The following SLC44A5 variants were observed in gnomAD, a reference collection of about 807,000 sequenced individuals.
The protein encoded by SLC44A5 is solute carrier family 44 member 5.
Under a neutral mutation model 101.8 loss-of-function variants are expected in SLC44A5, and 57 were observed. That is an observed-to-expected ratio of 0.56 (90% CI 0.45 to 0.70). The LOEUF (loss-of-function observed/expected upper bound fraction) is 0.70, where lower values mean the gene tolerates loss of function less well. Ranked by LOEUF, SLC44A5 falls within the 30% of genes least tolerant of loss-of-function variation. The pLI is 0.00. For missense variants in SLC44A5, 737 were observed against 853.1 expected, an observed-to-expected ratio of 0.86 and a Z score of 1.70; for synonymous variants, 281 against 290.9, an observed-to-expected ratio of 0.97 and a Z score of 0.35.
chr1:75,410,622 G>A (rs892130413), intron 2 of SLC44A5, among the ~76,000 whole-genome samples: 1 of 152,060 alleles, frequency 6.6e-6, no homozygotes, highest in East Asian at 1.9e-4. Context: ...GTGTGGCAGG[G>A]GAGCTGAGAA....
At chr1:75,524,678 CATT>C (rs1327114926) in intron 2 of SLC44A5, among the ~76,000 whole-genome samples, 10 of 152,058 alleles carry the variant, frequency 6.6e-5, no homozygotes, top group African/African-American at 7.2e-5. Context: ...AAGTATGTCA[CATT>C]GTTGTTATGG....
the SLC44A5 span, among the ~76,000 whole-genome samples, chr1:75,708,064 A>G: frequency 9.2e-5 from 14 of 152,110 alleles, no homozygotes; most frequent in Non-Finnish European, 1.6e-4. Context: ...TGACAAGGCT[A>G]GTGGGAATGT....
the SLC44A5 span, among the ~76,000 whole-genome samples, chr1:75,621,580 C>T: frequency 1.3e-5 from 2 of 152,046 alleles, no homozygotes; most frequent in East Asian, 1.9e-4. Context: ...AAATATTTTA[C>T]ATTGAATACC....
the SLC44A5 span, among the ~76,000 whole-genome samples, chr1:75,713,096 T>A: frequency 6.6e-6 from 1 of 152,174 alleles, no homozygotes; most frequent in Non-Finnish European, 1.5e-5. Flanking sequence ...ATCTTCCAGT[T>A]CCATTAACTT....
the SLC44A5 span, among the ~76,000 whole-genome samples, chr1:75,723,001 T>C: frequency 3.9e-5 from 6 of 152,332 alleles, no homozygotes; most frequent in East Asian, 1.2e-3. Context: ...TTTTCTTCCT[T>C]ATCTGGAGGT....
At chr1:75,546,098 A>G (rs1269167760) in intron 1 of SLC44A5, among the ~76,000 whole-genome samples, 2 of 152,052 alleles carry the variant, frequency 1.3e-5, no homozygotes, top group Non-Finnish European at 2.9e-5. Context: ...CTGGGGTTAC[A>G]ACTCCTAGCC....
intron 4 of SLC44A5, among the ~76,000 whole-genome samples, chr1:75,322,077 G>A (rs1656196152): frequency 6.6e-6 from 1 of 152,162 alleles, no homozygotes; most frequent in Admixed American, 6.5e-5. Context: ...ACTTCGGGAG[G>A]CTGAGGCAGG....
the SLC44A5 span, among the ~76,000 whole-genome samples, chr1:75,617,141 T>G: frequency 6.6e-6 from 1 of 152,004 alleles, no homozygotes; most frequent in Non-Finnish European, 1.5e-5. Flanking sequence ...GTTACCAGGG[T>G]GTGCCACTGT....
intron 2 of SLC44A5, among the ~76,000 whole-genome samples, chr1:75,454,032 T>C (rs978796447): frequency 5.3e-5 from 8 of 152,002 alleles, no homozygotes; most frequent in African/African-American, 1.9e-4. Flanking sequence ...AGAGGGACTC[T>C]TCCCTAACTC....
At chr1:75,412,837 GTCA>G (rs1012184584) in intron 2 of SLC44A5, among the ~76,000 whole-genome samples, 1 of 152,062 alleles carries the variant, frequency 6.6e-6, no homozygotes, top group Non-Finnish European at 1.5e-5. Flanking sequence ...CCACTCATTA[GTCA>G]TCATCATCAT....
chr1:75,389,063 CAA>C (rs1387262875), intron 3 of SLC44A5, among the ~76,000 whole-genome samples: 1 of 151,478 alleles, frequency 6.6e-6, no homozygotes, highest in Non-Finnish European at 1.5e-5. Context: ...TTTAAACTCA[CAA>C]CAGAAAAAAA....
intron 6 of SLC44A5, among the ~76,000 whole-genome samples, chr1:75,270,230 G>A (rs1651356058): frequency 6.6e-6 from 1 of 151,898 alleles, no homozygotes; most frequent in Admixed American, 6.6e-5. Flanking sequence ...CTAAAATCTT[G>A]CATTTTTGTA....
chr1:75,570,555 G>T (rs2102035064), intron 1 of SLC44A5, among the ~76,000 whole-genome samples: 1 of 152,236 alleles, frequency 6.6e-6, no homozygotes, highest in East Asian at 1.9e-4. Context: ...TGCAGAGACT[G>T]GTATACTATA....
chr1:75,239,526 T>C (rs1024743662), intron 9 of SLC44A5, among the ~76,000 whole-genome samples: 1 of 152,046 alleles, frequency 6.6e-6, no homozygotes, highest in Non-Finnish European at 1.5e-5. Context: ...TTCCCGACTT[T>C]CCTGGCTTAA....
chr1:75,355,027 C>T (rs1658964184), intron 3 of SLC44A5, among the ~76,000 whole-genome samples: 1 of 152,278 alleles, frequency 6.6e-6, no homozygotes, highest in South Asian at 2.1e-4. Context: ...ACTTTCCCAC[C>T]ACTGTGTGTT....
At chr1:75,661,386 G>GAAAA in the SLC44A5 span, among the ~76,000 whole-genome samples, 4 of 10,376 alleles carry the variant, frequency 3.9e-4, no homozygotes, top group Non-Finnish European at 6.5e-4. Flanking sequence ...ACTACTGCAA[G>GAAAA]TAAAAAAAAA....
chr1:75,586,056 A>G (rs1357121207), intron 1 of SLC44A5, among the ~76,000 whole-genome samples: 1 of 152,172 alleles, frequency 6.6e-6, no homozygotes, highest in Non-Finnish European at 1.5e-5. Flanking sequence ...ATTATTCTGG[A>G]TGTATCTATG....
At chr1:75,478,477 A>G (rs1408438617) in intron 2 of SLC44A5, among the ~76,000 whole-genome samples, 1 of 152,180 alleles carries the variant, frequency 6.6e-6, no homozygotes, top group Non-Finnish European at 1.5e-5. Flanking sequence ...AAGAGTCAAG[A>G]CCCATCAGTG....
chr1:75,325,755 C>T, intron 4 of SLC44A5, among the ~76,000 whole-genome samples: 1 of 50,548 alleles, frequency 2.0e-5, no homozygotes, highest in Non-Finnish European at 3.9e-5. Flanking sequence ...CGTGTGCATG[C>T]ATGCGTGTGT....
Sources: allele counts gnomAD v4.1 joint callset (sites outside exome capture counted in the v4.1 genomes callset), GRCh38; gene constraint gnomAD v4.1.1; transcripts MANE v1.5; gene names NCBI Gene and HGNC (gene_info 2026-07-23, HGNC 2026-07-21).